The following ERBB4 variants were observed in gnomAD, a reference collection of about 807,000 sequenced individuals.
ERBB4 encodes erb-b2 receptor tyrosine kinase 4, also known as receptor tyrosine-protein kinase erbB-4.
ERBB4 carries 42 observed loss-of-function variants against 158.0 expected under a neutral mutation model. The observed-to-expected ratio is 0.27, with a 90% CI of 0.21 to 0.34. ERBB4 has a LOEUF of 0.34. Among genes scored for constraint, ERBB4 ranks in the 10% least tolerant of loss-of-function variants. The pLI, the probability that ERBB4 is intolerant of heterozygous loss-of-function variation, is 1.00. For synonymous variants in ERBB4, 583 were observed against 558.7 expected (o/e 1.04, Z -0.61); for missense variants, 1,333 against 1,624.1 (o/e 0.82, Z 3.08).
chr2:211,401,964 CAATTAT>C (rs2063052498), intron 25 of ERBB4, among the ~76,000 whole-genome samples: 1 of 151,264 alleles, frequency 6.6e-6, no homozygotes, highest in African/African-American at 2.4e-5. Flanking sequence ...ATTACTAGCA[CAATTAT>C]AATTTATCAT....
intron 2 of ERBB4, among the ~76,000 whole-genome samples, chr2:211,977,165 C>G (rs1349235487): frequency 1.3e-5 from 2 of 152,136 alleles, no homozygotes; most frequent in Non-Finnish European, 2.9e-5. Context: ...AGTGGGCATA[C>G]TGCCTGACAC....
intron 18 of ERBB4, among the ~76,000 whole-genome samples, chr2:211,622,252 GT>G (rs568410293): frequency 4.2e-4 from 64 of 152,156 alleles, no homozygotes; most frequent in Admixed American, 7.9e-4. Flanking sequence ...GTCTGAGTCT[GT>G]TTTTTTCTAG....
intron 1 of ERBB4, among the ~76,000 whole-genome samples, chr2:212,367,696 A>T (rs558292927): frequency 6.6e-6 from 1 of 152,262 alleles, no homozygotes; most frequent in South Asian, 2.1e-4. Context: ...TATCTGAAAA[A>T]GGACTAATAC....
chr2:212,049,905 A>G (rs1345533519), intron 2 of ERBB4, among the ~76,000 whole-genome samples: 1 of 152,196 alleles, frequency 6.6e-6, no homozygotes, highest in African/African-American at 2.4e-5. Context: ...TCTGCACTTC[A>G]CATATCATTT....
intron 15 of ERBB4, among the ~76,000 whole-genome samples, chr2:211,659,231 A>G (rs2105903537): frequency 6.6e-6 from 1 of 152,222 alleles, no homozygotes; most frequent in Admixed American, 6.5e-5. Context: ...CTAGCTTAAA[A>G]ATTGATTTTT....
At chr2:211,597,688 A>C (rs1310447605) in intron 19 of ERBB4, among the ~76,000 whole-genome samples, 2 of 97,448 alleles carry the variant, frequency 2.1e-5, no homozygotes, top group African/African-American at 7.8e-5. Flanking sequence ...AGCTATACTC[A>C]ATTGAAATCT....
chr2:211,702,086 T>C lies in ERBB4; in HGVS notation c.1370A>G (p.Asn457Ser). Reference sequence around the variant, plus strand: ...GTTGCTGTTGTCAGTAATATAGATGTTTCCTGCGCTGATTTCCTTCAGGGA... The same window carrying C: ...GTTGCTGTTGTCAGTAATATAGATGCTTCCTGCGCTGATTTCCTTCAGGGA... ...FQSLKEISAGNIYITDNSNLC... is the reference protein window; with the variant it reads ...FQSLKEISAGSIYITDNSNLC... Residue 457 changes from asparagine (N) to serine (S), a missense_variant, in exon 12 of 28, where the codon AAC (asparagine) becomes AGC (serine). Physicochemically the swap from Asn to Ser is conservative, Grantham distance 46. This residue lies in a region of ERBB4 where 438 missense variants were observed against 586.9 expected (regional missense o/e 0.75). Coordinates refer to ENST00000342788, the MANE Select transcript of ERBB4 (RefSeq NM_005235.3). 1 of 1,614,050 alleles carries C rather than the reference T, an allele frequency of 6.2e-7. No individual in the cohort carries two copies. Among genetic ancestry groups the C allele is most frequent in the Non-Finnish European group, 8.5e-7 (1 of 1,179,906 alleles).
At chr2:212,397,582 G>T (rs1222192656) in intron 1 of ERBB4, among the ~76,000 whole-genome samples, 1 of 151,998 alleles carries the variant, frequency 6.6e-6, no homozygotes, top group Admixed American at 6.6e-5. Flanking sequence ...TTACAAGGTT[G>T]CATTCATACC....
At chr2:211,446,844 A>G (rs1311311614) in intron 20 of ERBB4, among the ~76,000 whole-genome samples, 6 of 152,138 alleles carry the variant, frequency 3.9e-5, no homozygotes, top group Non-Finnish European at 7.4e-5. Flanking sequence ...GGCTTCCAGT[A>G]ATTCCTTCTA....
intron 19 of ERBB4, among the ~76,000 whole-genome samples, chr2:211,576,920 T>G (rs902839239): frequency 6.6e-6 from 1 of 152,166 alleles, no homozygotes; most frequent in Non-Finnish European, 1.5e-5. Flanking sequence ...CTGGTAGGGT[T>G]GTACCATGAG....
intron 1 of ERBB4, among the ~76,000 whole-genome samples, chr2:212,211,768 C>A (rs553877011): frequency 9.2e-5 from 14 of 151,904 alleles, no homozygotes; most frequent in Non-Finnish European, 1.8e-4. Context: ...GTATTGTTCC[C>A]CCTCTCTGTG....
chr2:211,755,292 A>G (rs2075264429), intron 4 of ERBB4, among the ~76,000 whole-genome samples: 1 of 152,156 alleles, frequency 6.6e-6, no homozygotes, highest in Non-Finnish European at 1.5e-5. Flanking sequence ...GCTTGAGCCC[A>G]AGAGTTCCAA....
rs1243447475 is a variant in ERBB4 at position 212,538,639 on chromosome 2, G to A, written c.-109C>T. On this transcript the variant is annotated 5_prime_UTR_variant, in exon 1 of 28. Transcript: ENST00000342788. The stretch of plus-strand genomic sequence containing the variant: ...AGCCGGGCGCGCGTGGGGGTGCGAG[G>A]GGGGCGGGCGCGGCGCGCGCGGTGT... 6 of 1,173,642 alleles carry A rather than the reference G, an allele frequency of 5.1e-6. No individual in the cohort carries two copies. The highest frequency in any genetic ancestry group is 7.5e-6 in the Non-Finnish European group (6 of 801,104). 72.7% of individuals were successfully genotyped at this position (1,173,642 alleles called of 1,614,324 possible). A position where few individuals can be genotyped will look rare whatever the true frequency, so the allele number is the denominator to read the frequency against.
chr2:212,513,689 T>C (rs1290597505), intron 1 of ERBB4, among the ~76,000 whole-genome samples: 3 of 152,104 alleles, frequency 2.0e-5, no homozygotes. Flanking sequence ...CCAGCGCCTG[T>C]AGTCCCAGCT....
Position 211,540,135 on chromosome 2 carries a change from G to C in ERBB4, c.2487+21768C>G, listed in dbSNP as rs796524634. Among the ~76,000 whole-genome samples the C allele has an allele frequency of 2.6e-4, 39 of 151,128 alleles. 1 individual carries two copies. Among genetic ancestry groups the C allele is most frequent in the African/African-American group, 8.7e-4 (36 of 41,250 alleles). ...ATTTTGCTCATTATCTGTTTTCTAA[G>C]TACTATTATAAAGATACCTGCACCC... On this transcript the variant is annotated intron_variant, in intron 20 of 27. Coordinates refer to ENST00000342788, the MANE Select transcript of ERBB4 (RefSeq NM_005235.3).
chr2:212,117,068 C>G (rs78905529), intron 2 of ERBB4, among the ~76,000 whole-genome samples: 99 of 152,266 alleles, frequency 6.5e-4, no homozygotes, highest in Non-Finnish European at 1.2e-3. Context: ...TATGTATTAT[C>G]TTTAACGGCC....
chr2:212,321,891 A>G (rs931943346), intron 1 of ERBB4, among the ~76,000 whole-genome samples: 2 of 150,350 alleles, frequency 1.3e-5, no homozygotes, highest in Admixed American at 6.6e-5. Flanking sequence ...CAAAATGCTA[A>G]TAAGTTGACT....
At chr2:212,227,821 G>C (rs1403724528) in intron 1 of ERBB4, among the ~76,000 whole-genome samples, 5 of 150,578 alleles carry the variant, frequency 3.3e-5, no homozygotes, top group Non-Finnish European at 7.4e-5. Context: ...TTACTGTCCA[G>C]TATAAAAAAA....
intron 1 of ERBB4, among the ~76,000 whole-genome samples, chr2:212,338,510 C>G (rs551744337): frequency 1.3e-5 from 2 of 152,072 alleles, no homozygotes; most frequent in Admixed American, 6.6e-5. Context: ...AAACACTTCA[C>G]CAGATAAATG....
Sources: gnomAD v4.1 joint callset for allele counts (sites outside exome capture counted in the v4.1 genomes callset) on GRCh38, gnomAD v4.1.1 for gene constraint, gnomAD v4.1.1 regional missense constraint, MANE v1.5 for transcripts, NCBI Gene and HGNC (gene_info 2026-07-23, HGNC 2026-07-21) for gene names.